FHIT: variants seen among roughly 807,000 people sequenced by gnomAD.
FHIT encodes the protein fragile histidine triad diadenosine triphosphatase.
Under a neutral mutation model 17.9 loss-of-function variants are expected in FHIT, and 19 were observed. That is an observed-to-expected ratio of 1.06 (90% CI 0.74 to 1.56). The LOEUF is 1.56. Ranked by LOEUF, FHIT falls within the 40% of genes most tolerant of loss-of-function variation. FHIT has a pLI of 0.00. For synonymous variants in FHIT, 81 were observed against 69.7 expected, an observed-to-expected ratio of 1.16 and a Z score of -0.81; for missense variants, 248 against 189.2, an observed-to-expected ratio of 1.31 and a Z score of -1.82.
intron 5 of FHIT, among the ~76,000 whole-genome samples, chr3:60,060,426 C>G (rs1001320354): frequency 5.9e-5 from 9 of 152,130 alleles, no homozygotes; most frequent in Non-Finnish European, 1.3e-4. Context: ...TAACAAAGTT[C>G]TTTATTTCTA....
chr3:60,470,824 A>G (rs570527268), intron 5 of FHIT, among the ~76,000 whole-genome samples: 20 of 152,266 alleles, frequency 1.3e-4, no homozygotes, highest in African/African-American at 3.8e-4. Flanking sequence ...GCTGTTCACA[A>G]CTGAAGCCAG....
rs531778997 is a variant in FHIT, at chr3:60,039,917, C to G, written c.104-25765G>C. On this transcript the variant is annotated intron_variant, in intron 5 of 9. Transcript: ENST00000492590. Reference sequence around the variant, plus strand: ...GAAATTATGAGTTCACAAATTTACACTGAAGAGTCACTGATCCACCATTCT... The same window carrying G: ...GAAATTATGAGTTCACAAATTTACAGTGAAGAGTCACTGATCCACCATTCT... Among the ~76,000 whole-genome samples, 25 of 152,310 alleles carry G rather than the reference C, an allele frequency of 1.6e-4. No individual in the cohort carries two copies. In the South Asian group the frequency reaches 3.3e-3, roughly 20 times the overall value.
chr3:59,824,732 A>G (rs765932178), intron 8 of FHIT, among the ~76,000 whole-genome samples: 10 of 152,210 alleles, frequency 6.6e-5, no homozygotes, highest in Non-Finnish European at 1.2e-4. Context: ...GTACATCAAT[A>G]TTACAAAGAT....
rs201566083 is a variant in FHIT at position 61,036,902 on chromosome 3, T to TTTTG, written c.-111+5144_-111+5145insCAAA. On this transcript the variant is annotated intron_variant, in intron 3 of 9. Transcript: ENST00000492590. ...TCACCTCAAAGATCAGTCTGCTTTGTTTTTTTTTTTTGTTTGTTTGTTTTT... is the reference window on the plus strand; with the variant it reads ...TCACCTCAAAGATCAGTCTGCTTTGTTTTGTTTTTTTTTTTGTTTGTTTGTTTTT... Among the ~76,000 whole-genome samples, 257 of 45,088 alleles carry TTTTG rather than the reference T, an allele frequency of 5.7e-3. 4 individuals carry two copies. In the East Asian group the frequency reaches 0.29, roughly 50 times the overall value. The allele number at this position is 45,088 out of a possible 152,430, so 29.6% of individuals were successfully genotyped here. A position where few individuals can be genotyped will look rare whatever the true frequency, so the allele number is the denominator to read the frequency against.
chr3:60,731,103 C>T (rs1406937928), intron 4 of FHIT, among the ~76,000 whole-genome samples: 1 of 151,944 alleles, frequency 6.6e-6, no homozygotes, highest in African/African-American at 2.4e-5. Flanking sequence ...TACACTCCAG[C>T]CTGGGTGATA....
At chr3:60,137,228 T>G (rs17062324) in intron 5 of FHIT, among the ~76,000 whole-genome samples, 24,530 of 152,180 alleles carry the variant, frequency 0.16, 3,313 homozygotes, top group African/African-American at 0.37. Flanking sequence ...GAATCCCTAT[T>G]GATGCCAGAA....
At chr3:60,635,643 T>C (rs1553683634) in intron 4 of FHIT, among the ~76,000 whole-genome samples, 1 of 152,202 alleles carries the variant, frequency 6.6e-6, no homozygotes. Flanking sequence ...GGCTGACTCT[T>C]AGTATTTTCT....
intron 5 of FHIT, among the ~76,000 whole-genome samples, chr3:60,164,360 A>T (rs1701064401): frequency 6.6e-6 from 1 of 152,218 alleles, no homozygotes; most frequent in Non-Finnish European, 1.5e-5. Context: ...TCTTTCAAGT[A>T]TTGCCATGCA....
intron 3 of FHIT, among the ~76,000 whole-genome samples, chr3:60,980,729 A>G (rs555067699): frequency 1.5e-4 from 23 of 152,276 alleles, no homozygotes; most frequent in African/African-American, 5.5e-4. Context: ...AGAAATCTAA[A>G]TGTGTGTGCC....
At chr3:59,944,144 C>T (rs61333002) in intron 7 of FHIT, among the ~76,000 whole-genome samples, 2 of 152,078 alleles carry the variant, frequency 1.3e-5, no homozygotes, top group African/African-American at 4.8e-5. Flanking sequence ...CAGAGAGATC[C>T]CTGGTAGTGT....
In FHIT at chr3:60,137,129, C is replaced by T. The variant is rs73831595; in HGVS notation, c.104-122977G>A. 3.2e-3 allele frequency among the ~76,000 whole-genome samples: 489 copies of T among 152,296 alleles called. 3 individuals carry two copies. The highest frequency in any genetic ancestry group is 0.011 in the African/African-American group (463 of 41,562). ...AATCATTACATTTCCACCAAATGCA[C>T]GGAAACAACAAACTTAACTAAGAAA... On this transcript the variant is annotated intron_variant, in intron 5 of 9. Coordinates refer to ENST00000492590, the MANE Select transcript of FHIT (RefSeq NM_002012.4).
At chr3:59,750,127 GGTGTCAGGCCTCCAGGC>G (rs1344268262) in intron 9 of FHIT, 1 of 226,926 alleles carries the variant, frequency 4.4e-6, no homozygotes, top group Non-Finnish European at 8.8e-6. Context: ...GAAGACAGGA[GGTGTCAGGCCTCCAGGC>G]AAGACAGAAG....
At chr3:61,163,938 T>A (rs2037765319) in intron 2 of FHIT, among the ~76,000 whole-genome samples, 1 of 152,194 alleles carries the variant, frequency 6.6e-6, no homozygotes, top group Non-Finnish European at 1.5e-5. Flanking sequence ...AAGAAAAATA[T>A]TTTCTTCTCC....
chr3:59,973,174 G>A (rs865901090), intron 7 of FHIT, among the ~76,000 whole-genome samples: 1 of 151,948 alleles, frequency 6.6e-6, no homozygotes, highest in Non-Finnish European at 1.5e-5. Flanking sequence ...AATGCATCTT[G>A]CCTTATCCAC....
chr3:60,533,666 G>C (rs1046692461), intron 5 of FHIT, among the ~76,000 whole-genome samples: 1 of 152,152 alleles, frequency 6.6e-6, no homozygotes, highest in African/African-American at 2.4e-5. Flanking sequence ...GAAAAGCATG[G>C]GGAGGAATCT....
intron 4 of FHIT, among the ~76,000 whole-genome samples, chr3:60,615,747 G>A (rs2038932145): frequency 6.6e-6 from 1 of 152,158 alleles, no homozygotes; most frequent in East Asian, 1.9e-4. Context: ...AGGAGAAAAA[G>A]ACATTTTGTA....
At chr3:60,055,982 G>A (rs1227229973) in intron 5 of FHIT, among the ~76,000 whole-genome samples, 2 of 152,194 alleles carry the variant, frequency 1.3e-5, no homozygotes, top group Non-Finnish European at 2.9e-5. Context: ...GCTTTAAGTT[G>A]TGGAAGTGCT....
chr3:59,791,396 C>T (rs958878335), intron 8 of FHIT, among the ~76,000 whole-genome samples: 2 of 152,152 alleles, frequency 1.3e-5, no homozygotes, highest in Admixed American at 6.5e-5. Flanking sequence ...TGCTGGTGTT[C>T]GCATTACCTT....
At chr3:60,370,003 G>A (rs76771707) in intron 5 of FHIT, among the ~76,000 whole-genome samples, 5,968 of 152,264 alleles carry the variant, frequency 0.039, 220 homozygotes, top group African/African-American at 0.1. Context: ...AAAGATATTT[G>A]TAACATATCT....
Sources: allele counts gnomAD v4.1 joint callset (sites outside exome capture counted in the v4.1 genomes callset), GRCh38; gene constraint gnomAD v4.1.1; transcripts MANE v1.5; gene names NCBI Gene and HGNC (gene_info 2026-07-23, HGNC 2026-07-21).